The following EIF4A3 variants were observed in gnomAD, a reference collection of about 807,000 sequenced individuals.
EIF4A3 encodes eukaryotic initiation factor 4A-III.
EIF4A3 carries 1 observed loss-of-function variant against 55.6 expected under a neutral mutation model. The ratio of observed to expected loss-of-function variants is 0.02; its 90% CI spans 0.01 to 0.09. The LOEUF is 0.09. Among genes scored for constraint, EIF4A3 ranks in the 10% least tolerant of loss-of-function variants. EIF4A3 has a pLI of 1.00. For synonymous variants in EIF4A3, 194 were observed against 196.3 expected, an observed-to-expected ratio of 0.99 and a Z score of 0.10; for missense variants, 221 against 540.7, an observed-to-expected ratio of 0.41 and a Z score of 5.86.
chr17:80,146,304 C>T (rs1380965621), intron 1 of EIF4A3, among the ~76,000 whole-genome samples: 2 of 152,136 alleles, frequency 1.3e-5, no homozygotes, highest in East Asian at 1.9e-4. Context: ...TGCGAACCCC[C>T]TTACCTCTCT....
rs375092208 is a variant in EIF4A3 at position 80,137,742 on chromosome 17, G to T, written c.868-241C>A. 1.8e-5 allele frequency: 9 copies of T among 502,644 alleles called. No homozygotes were observed. In the East Asian group the frequency reaches 3.2e-4, roughly 18 times the overall value. The allele number at this position is 502,644 out of a possible 1,614,324, so 31.1% of individuals were successfully genotyped here. On this transcript the variant is annotated intron_variant, in intron 8 of 11. Transcript: ENST00000649764. ...TGACTCTATGGGGGGAGGGGGCCAG[G>T]TGTGCTCATTCTCATTTGAAATTTG...
At chr17:80,137,529 G>A (rs780388767) in intron 8 of EIF4A3, 28 bp from the exon 9 acceptor site, 8 of 1,581,486 alleles carry the variant, frequency 5.1e-6, no homozygotes, top group Non-Finnish European at 6.9e-6. Flanking sequence ...AGATGCTACT[G>A]CAAGCTAGTA....
intron 9 of EIF4A3, chr17:80,137,143 G>A (rs915627276): frequency 3.4e-5 from 12 of 358,194 alleles, no homozygotes; most frequent in African/African-American, 8.4e-5. Flanking sequence ...GAAGACACAC[G>A]CTTGTAACCA....
At chr17:80,136,578 C>T in intron 9 of EIF4A3, 2 of 530,216 alleles carry the variant, frequency 3.8e-6, no homozygotes, top group East Asian at 3.0e-5. Flanking sequence ...AAAAAATAGA[C>T]ATCTTTTACT....
chr17:80,141,199 GGAA>G lies in EIF4A3; in HGVS notation c.372+117_372+119del, dbSNP rs1390540331. On this transcript the variant is annotated intron_variant, in intron 4 of 11. Transcript: ENST00000649764. Reference sequence around the variant, plus strand: ...ATGATTAATGGCAAAATGTTAATCAGGAAGAAAATTTTGAGGTATCAGAAAACA... The same window carrying G: ...ATGATTAATGGCAAAATGTTAATCAGGAAAATTTTGAGGTATCAGAAAACA... 7.5e-6 allele frequency: 8 copies of G among 1,065,864 alleles called. No individual in the cohort carries two copies. The Admixed American group carries it at 1.4e-4, about 19-fold the overall frequency. 66.0% of individuals were successfully genotyped at this position (1,065,864 alleles called of 1,614,324 possible).
Position 80,135,228 on chromosome 17 carries a change from A to G in EIF4A3, c.*262T>C. 1 of 392,176 alleles carries G rather than the reference A, an allele frequency of 2.5e-6. No individual in the cohort carries two copies. The highest frequency in any genetic ancestry group is 4.6e-6 in the Non-Finnish European group (1 of 218,574). 24.3% of individuals were successfully genotyped at this position (392,176 alleles called of 1,614,324 possible). ...AGACTACACAGTAAGTTACTAGAGA[A>G]GGTGGTGGCACCTTAGAAGTATAGA... is the stretch of plus-strand genomic sequence containing the variant. On this transcript the variant is annotated 3_prime_UTR_variant, in exon 12 of 12. Transcript: ENST00000649764.
rs768582310 is a variant in EIF4A3, at chr17:80,144,342, C to T, written c.170-98G>A. On this transcript the variant is annotated intron_variant, in intron 1 of 11. Coordinates refer to ENST00000649764, the MANE Select transcript of EIF4A3 (RefSeq NM_014740.4). ...GGGCAGACATGGTTTGTTTTTTGAACCTGTCCTCCAGCCTAACCCAGTGTT... is the reference window on the plus strand; with the variant it reads ...GGGCAGACATGGTTTGTTTTTTGAATCTGTCCTCCAGCCTAACCCAGTGTT... The T allele has an allele frequency of 4.7e-4, 518 of 1,110,424 alleles. 1 individual carries two copies. The highest frequency in any genetic ancestry group is 6.6e-4 in the Non-Finnish European group (492 of 747,658). 68.8% of individuals were successfully genotyped at this position (1,110,424 alleles called of 1,614,324 possible). A position where few individuals can be genotyped will look rare whatever the true frequency, so the allele number is the denominator to read the frequency against.
intron 9 of EIF4A3, chr17:80,136,861 C>T (rs2039574702): frequency 6.5e-6 from 1 of 152,810 alleles, no homozygotes; most frequent in Non-Finnish European, 1.4e-5. Flanking sequence ...GGCTGAGACA[C>T]AGGAGTCACT....
chr17:80,140,208 A>C, intron 4 of EIF4A3, 68 bp from the exon 5 acceptor site: 1 of 1,442,294 alleles, frequency 6.9e-7, no homozygotes, highest in Admixed American at 2.5e-5. Flanking sequence ...AAAAAGAAAG[A>C]CTGTTTCTCC....
At chr17:80,139,902 CA>C (rs1567849407) in intron 5 of EIF4A3, 105 bp downstream of exon 5, 5 of 1,537,418 alleles carry the variant, frequency 3.3e-6, no homozygotes, top group Non-Finnish European at 3.5e-6. Context: ...GACCCAGGTG[CA>C]AAAGTCTACC....
Position 80,137,379 on chromosome 17 carries a change from G to C in EIF4A3, c.983+7C>G, listed in dbSNP as rs61751628. On this transcript the variant is annotated splice_region_variant and intron_variant, in intron 9 of 11. Coordinates refer to ENST00000649764, the MANE Select transcript of EIF4A3 (RefSeq NM_014740.4). Reference sequence around the variant, plus strand: ...TGACCTGCAGAGCCACAGCATAGCAGACCCACCTGGCGCCCGACCGGAACT... The same window carrying C: ...TGACCTGCAGAGCCACAGCATAGCACACCCACCTGGCGCCCGACCGGAACT... 0.13 allele frequency: 212,219 copies of C among 1,611,892 alleles called. 15,437 individuals are homozygous for C. Among genetic ancestry groups the C allele is most frequent in the Non-Finnish European group, 0.15 (178,439 of 1,178,900 alleles).
Position 80,139,660 on chromosome 17 carries a change from T to G in EIF4A3, c.586+10A>C. On this transcript the variant is annotated intron_variant, in intron 6 of 11. Coordinates refer to ENST00000649764, the MANE Select transcript of EIF4A3 (RefSeq NM_014740.4). ...TGTCAGTAGAAGAGTAATTCTTTTGTTGCTCATACCTTTATTCAACATTTC... is the reference window on the plus strand; with the variant it reads ...TGTCAGTAGAAGAGTAATTCTTTTGGTGCTCATACCTTTATTCAACATTTC... The G allele has an allele frequency of 6.2e-7, 1 of 1,609,478 alleles. No homozygotes were observed. The highest frequency in any genetic ancestry group is 8.5e-7 in the Non-Finnish European group (1 of 1,177,716).
Position 80,139,836 on chromosome 17 carries a change from C to T in EIF4A3, c.506-86G>A, listed in dbSNP as rs1418508366. ...CACACCTGAGGCTCCCAAGAAAGAG[C>T]TCATCATTCCACTGGTCTCAGGGTT... On this transcript the variant is annotated intron_variant, in intron 5 of 11. Transcript: ENST00000649764. The T allele has an allele frequency of 4.7e-6, 7 of 1,503,170 alleles. No individual in the cohort carries two copies. In the East Asian group the frequency reaches 1.1e-4, roughly 24 times the overall value. 93.1% of individuals were successfully genotyped at this position (1,503,170 alleles called of 1,614,324 possible). A position where few individuals can be genotyped will look rare whatever the true frequency, so the allele number is the denominator to read the frequency against.
At chr17:80,145,640 T>C (rs776054345) in intron 1 of EIF4A3, among the ~76,000 whole-genome samples, 90 of 151,978 alleles carry the variant, frequency 5.9e-4, no homozygotes, top group Non-Finnish European at 1.1e-3. Context: ...CACAGGCCAT[T>C]TATCCCAGAT....
At chr17:80,136,790 A>AC (rs1346396181) in intron 9 of EIF4A3, 4 of 149,200 alleles carry the variant, frequency 2.7e-5, no homozygotes, top group African/African-American at 1.0e-4. Flanking sequence ...ACATGGTGAA[A>AC]CCCCATCTCT....
intron 7 of EIF4A3, chr17:80,138,532 A>ACT: frequency 2.4e-6 from 1 of 423,162 alleles, no homozygotes; most frequent in Non-Finnish European, 4.1e-6. Context: ...CTGATAAATA[A>ACT]ATAGTCACCT....
In EIF4A3 at chr17:80,147,126, T is replaced by C. The variant is rs867147815; in HGVS notation, c.-165A>G. The C allele has an allele frequency of 1.9e-4, 195 of 1,008,142 alleles. 3 individuals are homozygous for C. The African/African-American group carries it at 3.1e-3, about 16-fold the overall frequency. 62.4% of individuals were successfully genotyped at this position (1,008,142 alleles called of 1,614,324 possible). ...CTCGCTGTGCCGCTGCCGACCTCGC[T>C]GTGCCGCTGCCGAGAACAGACGCCT... is the stretch of plus-strand genomic sequence containing the variant. On this transcript the variant is annotated 5_prime_UTR_variant, in exon 1 of 12. Transcript: ENST00000649764.
rs923060108 is a variant in EIF4A3, at chr17:80,138,959, A to T, written c.728+62T>A. ...GCTATAAAAAGTTTTTGAAATTACGACATAAAATCCTTTATAAATGCGGCC... is the reference window on the plus strand; with the variant it reads ...GCTATAAAAAGTTTTTGAAATTACGTCATAAAATCCTTTATAAATGCGGCC... On this transcript the variant is annotated intron_variant, in intron 7 of 11. Transcript: ENST00000649764. The T allele has an allele frequency of 4.4e-6, 7 of 1,585,194 alleles. No homozygotes were observed. The African/African-American group carries it at 6.8e-5, about 15-fold the overall frequency.
chr17:80,139,491 C>T (rs1181082238), intron 6 of EIF4A3, 179 bp downstream of exon 6: 14 of 665,858 alleles, frequency 2.1e-5, no homozygotes, highest in Non-Finnish European at 3.0e-5. Flanking sequence ...CCACAATGAA[C>T]AAATAAATAA....
Sources: allele counts gnomAD v4.1 joint callset (sites outside exome capture counted in the v4.1 genomes callset), GRCh38; gene constraint gnomAD v4.1.1; transcripts MANE v1.5; gene names NCBI Gene and HGNC (gene_info 2026-07-23, HGNC 2026-07-21).